Variants in NRG1 observed in about 807,000 individuals in gnomAD.
NRG1 encodes pro-neuregulin-1, membrane-bound isoform.
In NRG1, 18 loss-of-function variants were observed where a neutral mutation model predicts 63.8. The ratio of observed to expected loss-of-function variants is 0.28; its 90% confidence interval spans 0.19 to 0.42. The LOEUF (loss-of-function observed/expected upper bound fraction) is 0.42. Ranked by LOEUF, NRG1 falls within the 10% of genes least tolerant of loss-of-function variation. NRG1 has a pLI of 1.00. For missense variants in NRG1, 762 were observed against 814.7 expected, an observed-to-expected ratio of 0.94 and a Z score of 0.79; for synonymous variants, 302 against 301.3, an observed-to-expected ratio of 1.00 and a Z score of -0.02.
chr8:32,491,266 G>A (rs12677389), intron 1 of NRG1, among the ~76,000 whole-genome samples: 94,741 of 151,940 alleles, frequency 0.62, 29,772 homozygotes, highest in East Asian at 0.79. Context: ...GGAACTAATC[G>A]TAAATAACCA....
intron 1 of NRG1, among the ~76,000 whole-genome samples, chr8:32,224,696 G>T (rs1846152412): frequency 6.6e-6 from 1 of 152,280 alleles, no homozygotes; most frequent in African/African-American, 2.4e-5. Flanking sequence ...TCAAAGATGA[G>T]AATTTGAACT....
chr8:32,087,321 A>G (rs945993690), intron 1 of NRG1, among the ~76,000 whole-genome samples: 4 of 151,740 alleles, frequency 2.6e-5, no homozygotes, highest in Non-Finnish European at 4.4e-5. Context: ...CACCTCCCCA[A>G]CCGATCTCTT....
At chr8:32,255,475 T>A (rs1849590641) in intron 1 of NRG1, among the ~76,000 whole-genome samples, 1 of 152,212 alleles carries the variant, frequency 6.6e-6, no homozygotes, top group South Asian at 2.1e-4. Flanking sequence ...GGATATGTAA[T>A]TCTGGGTTGA....
At chr8:32,715,044 G>A in intron 5 of NRG1, among the ~76,000 whole-genome samples, 1 of 151,922 alleles carries the variant, frequency 6.6e-6, no homozygotes, top group Non-Finnish European at 1.5e-5. Context: ...CACAAACATG[G>A]CTCACTTTAA....
chr8:32,155,262 AT>A (rs1386959294), intron 1 of NRG1, among the ~76,000 whole-genome samples: 1 of 152,194 alleles, frequency 6.6e-6, no homozygotes, highest in African/African-American at 2.4e-5. Flanking sequence ...AAAAATTTTT[AT>A]TAATACTCTT....
chr8:31,675,626 T>C (rs1240563222), intron 1 of NRG1, among the ~76,000 whole-genome samples: 2 of 152,118 alleles, frequency 1.3e-5, no homozygotes, highest in Non-Finnish European at 2.9e-5. Context: ...CTCTTGTTTA[T>C]AAAAAAACAC....
intron 1 of NRG1, among the ~76,000 whole-genome samples, chr8:32,013,309 G>A (rs1815031411): frequency 6.6e-6 from 1 of 152,078 alleles, no homozygotes; most frequent in Admixed American, 6.6e-5. Flanking sequence ...GCAGCAGGAA[G>A]AGGAACCACT....
intron 1 of NRG1, among the ~76,000 whole-genome samples, chr8:32,459,024 A>G (rs1821964921): frequency 6.6e-6 from 1 of 152,170 alleles, no homozygotes; most frequent in Non-Finnish European, 1.5e-5. Flanking sequence ...TAAATACCAT[A>G]CATATACTGA....
chr8:32,177,097 G>C (rs1460679939), intron 1 of NRG1, among the ~76,000 whole-genome samples: 4 of 152,148 alleles, frequency 2.6e-5, no homozygotes, highest in Non-Finnish European at 5.9e-5. Context: ...AACAATGATA[G>C]ACTGGATTAA....
intron 1 of NRG1, among the ~76,000 whole-genome samples, chr8:32,266,831 C>T (rs1425992032): frequency 6.9e-6 from 1 of 144,786 alleles, no homozygotes; most frequent in East Asian, 2.0e-4. Flanking sequence ...GTCAGGAGAT[C>T]GAAATCATCC....
intron 1 of NRG1, among the ~76,000 whole-genome samples, chr8:31,813,516 CTTTTT>C (rs377718067): frequency 9.9e-6 from 1 of 101,214 alleles, no homozygotes. Context: ...CTTTTCTTTT[CTTTTT>C]TTTTTTTTTT....
chr8:32,356,994 T>G lies in NRG1; in HGVS notation c.38-238834T>G, dbSNP rs141285693. Among the ~76,000 whole-genome samples the G allele has an allele frequency of 3.3e-3, 502 of 152,340 alleles. 5 individuals carry two copies. The highest frequency in any genetic ancestry group is 0.012 in the African/African-American group (481 of 41,578). On this transcript the variant is annotated intron_variant, in intron 1 of 10. Coordinates refer to the NRG1 transcript ENST00000519301. ...ATGGATTAAATCAACTTGTAAATAA[T>G]GTATTCTTAGAGTCTGCAGTGATCT...
chr8:32,680,507 G>T (rs528726925), intron 5 of NRG1, among the ~76,000 whole-genome samples: 7 of 152,280 alleles, frequency 4.6e-5, no homozygotes, highest in African/African-American at 1.7e-4. Context: ...GTGAGAACCT[G>T]ATTTCTGTGA....
intron 1 of NRG1, among the ~76,000 whole-genome samples, chr8:32,540,210 A>C (rs138602966): frequency 6.6e-6 from 1 of 152,146 alleles, no homozygotes; most frequent in African/African-American, 2.4e-5. Context: ...TATGGATTAG[A>C]TTTTAATAAA....
intron 1 of NRG1, among the ~76,000 whole-genome samples, chr8:31,928,006 A>AC (rs1236853539): frequency 6.6e-6 from 1 of 150,738 alleles, no homozygotes. Flanking sequence ...AAAAAAAAAA[A>AC]AAAAACCTTG....
At chr8:31,848,120 G>C (rs760254696) in intron 1 of NRG1, among the ~76,000 whole-genome samples, 7 of 152,016 alleles carry the variant, frequency 4.6e-5, no homozygotes, top group African/African-American at 1.5e-4. Flanking sequence ...GGGGAAGGCC[G>C]GTAATTCAGG....
At chr8:31,936,256 C>G (rs1835291422) in intron 1 of NRG1, among the ~76,000 whole-genome samples, 2 of 152,138 alleles carry the variant, frequency 1.3e-5, no homozygotes, top group Admixed American at 6.5e-5. Flanking sequence ...GTTTACTTAA[C>G]AAAATACATA....
At chr8:32,290,077 C>T (rs1159850321) in intron 1 of NRG1, among the ~76,000 whole-genome samples, 1 of 151,968 alleles carries the variant, frequency 6.6e-6, no homozygotes, top group Non-Finnish European at 1.5e-5. Flanking sequence ...CCTGTCTCTA[C>T]AAAAAATACA....
At chr8:32,764,118 G>A (rs771476819) in exon 12 of NRG1, 3 of 1,614,096 alleles carry the variant, frequency 1.9e-6, no homozygotes, top group East Asian at 2.2e-5. Context: ...TAGCCGGCGG[G>A]CCAAAAGAAC....
Sources: allele counts gnomAD v4.1 joint callset (sites outside exome capture counted in the v4.1 genomes callset), GRCh38; gene constraint gnomAD v4.1.1; transcripts MANE v1.5; gene names NCBI Gene and HGNC (gene_info 2026-07-23, HGNC 2026-07-21).